Variants in ZFAND3 observed in about 807,000 individuals in gnomAD.
The protein encoded by ZFAND3 is AN1-type zinc finger protein 3.
In ZFAND3, 10 loss-of-function variants were observed where a neutral mutation model predicts 29.6. That is an observed-to-expected ratio of 0.34 (90% CI 0.21 to 0.57). The LOEUF is 0.57. Ranked by LOEUF, ZFAND3 falls within the 20% of genes least tolerant of loss-of-function variation. ZFAND3 has a pLI of 0.86. For synonymous variants in ZFAND3, 128 were observed against 112.6 expected (o/e 1.14, Z -0.87); for missense variants, 230 against 304.5 (o/e 0.76, Z 1.82).
At chr6:37,952,266 C>A (rs1232649006) in intron 2 of ZFAND3, among the ~76,000 whole-genome samples, 1 of 152,030 alleles carries the variant, frequency 6.6e-6, no homozygotes, top group African/African-American at 2.4e-5. Context: ...GCAATAGTTT[C>A]AGTATGATTG....
chr6:38,153,174 G>A lies in ZFAND3; in HGVS notation c.*785G>A. On this transcript the variant is annotated 3_prime_UTR_variant, in exon 6 of 6. Coordinates refer to ENST00000287218, the MANE Select transcript of ZFAND3 (RefSeq NM_021943.3). ...TCTGGTCTGCCATTCGCCAGTGCAG[G>A]GATCTGGCACGGACCAGATGTGGCG... 1 of 985,498 alleles carries A rather than the reference G, an allele frequency of 1.0e-6. No individual in the cohort carries two copies. Among genetic ancestry groups the A allele is most frequent in the Non-Finnish European group, 1.2e-6 (1 of 829,950 alleles). The allele number at this position is 985,498 out of a possible 1,614,324, so 61.0% of individuals were successfully genotyped here.
At chr6:38,003,729 C>G (rs958304590) in intron 2 of ZFAND3, 5 of 401,414 alleles carry the variant, frequency 1.2e-5, no homozygotes, top group Non-Finnish European at 2.5e-5. Context: ...TGGCCTTGAA[C>G]TCCTGAGCTC....
rs192317412 is a variant in ZFAND3 at position 37,820,681 on chromosome 6, C to T, written c.71+665C>T. Among the ~76,000 whole-genome samples the T allele has an allele frequency of 1.2e-3, 185 of 152,318 alleles. 1 individual carries two copies. The highest frequency in any genetic ancestry group is 2.3e-3 in the Non-Finnish European group (154 of 68,026). On this transcript the variant is annotated intron_variant, in intron 1 of 5. Coordinates refer to ENST00000287218, the MANE Select transcript of ZFAND3 (RefSeq NM_021943.3). ...AAAGGAAGAAAAAAACCACACAAAA[C>T]CTGAAGTCAGCCTGGATTGGGGAAT... is the stretch of plus-strand genomic sequence containing the variant.
chr6:38,058,650 T>C (rs1017892353), intron 2 of ZFAND3, among the ~76,000 whole-genome samples: 8 of 152,190 alleles, frequency 5.3e-5, no homozygotes, highest in African/African-American at 1.9e-4. Flanking sequence ...GTCTCTTTCT[T>C]GGGCCATCTT....
intron 2 of ZFAND3, among the ~76,000 whole-genome samples, chr6:37,958,878 T>G (rs1340645121): frequency 4.6e-5 from 7 of 152,210 alleles, no homozygotes; most frequent in Admixed American, 4.6e-4. Context: ...TTTCCAAACT[T>G]TAAGATGACT....
At chr6:37,821,578 C>T (rs192243163) in intron 1 of ZFAND3, among the ~76,000 whole-genome samples, 3 of 152,242 alleles carry the variant, frequency 2.0e-5, no homozygotes, top group Admixed American at 2.0e-4. Context: ...CTTTAGAGTG[C>T]GTAGTACCAT....
chr6:37,989,013 C>T (rs1561957703), intron 2 of ZFAND3, among the ~76,000 whole-genome samples: 2 of 152,076 alleles, frequency 1.3e-5, no homozygotes, highest in South Asian at 2.1e-4. Flanking sequence ...AAGCAATTCT[C>T]CTCCCTCAGC....
At chr6:38,093,781 G>A (rs1182391440) in intron 4 of ZFAND3, among the ~76,000 whole-genome samples, 2 of 152,152 alleles carry the variant, frequency 1.3e-5, no homozygotes, top group Non-Finnish European at 2.9e-5. Context: ...GCAGCAGACA[G>A]AAATCATTCA....
intron 1 of ZFAND3, among the ~76,000 whole-genome samples, chr6:37,876,775 GT>G (rs1053966638): frequency 4.6e-5 from 7 of 152,176 alleles, no homozygotes; most frequent in African/African-American, 1.7e-4. Flanking sequence ...GGAAAATAAT[GT>G]TTATAACCAT....
In ZFAND3 at chr6:37,929,948, G is replaced by T; in HGVS notation, c.72-11G>T. 1 of 1,585,724 alleles carries T rather than the reference G, an allele frequency of 6.3e-7. No individual in the cohort carries two copies. Reference sequence around the variant, plus strand: ...GCTCTTCTTTCTTTCTTTTCTTTTTGTTTGCCCCAGGTCCAGCAAGACTAT... The same window carrying T: ...GCTCTTCTTTCTTTCTTTTCTTTTTTTTTGCCCCAGGTCCAGCAAGACTAT... On this transcript the variant is annotated splice_polypyrimidine_tract_variant and intron_variant, in intron 1 of 5. Transcript: ENST00000287218.
chr6:37,849,126 T>A (rs186397875), intron 1 of ZFAND3, among the ~76,000 whole-genome samples: 27 of 152,338 alleles, frequency 1.8e-4, no homozygotes, highest in Admixed American at 7.2e-4. Flanking sequence ...GTTTGGATTC[T>A]ATATTCCTGC....
At chr6:38,003,514 T>A (rs114580877) in intron 2 of ZFAND3, among the ~76,000 whole-genome samples, 1 of 152,190 alleles carries the variant, frequency 6.6e-6, no homozygotes, top group Non-Finnish European at 1.5e-5. Flanking sequence ...TTTTTTTTTT[T>A]TGAGACGGTG....
intron 5 of ZFAND3, among the ~76,000 whole-genome samples, chr6:38,149,597 T>A (rs1304025676): frequency 6.6e-6 from 1 of 152,076 alleles, no homozygotes; most frequent in African/African-American, 2.4e-5. Flanking sequence ...GGGTAGCTAC[T>A]GTGGGTGTCA....
intron 1 of ZFAND3, among the ~76,000 whole-genome samples, chr6:37,860,562 A>G (rs2127383521): frequency 6.6e-6 from 1 of 151,982 alleles, no homozygotes; most frequent in East Asian, 1.9e-4. Context: ...TTTGAGTAAG[A>G]AATTGATTGC....
At chr6:38,015,666 T>A (rs1763241059) in intron 2 of ZFAND3, among the ~76,000 whole-genome samples, 1 of 152,258 alleles carries the variant, frequency 6.6e-6, no homozygotes, top group Non-Finnish European at 1.5e-5. Context: ...TTCTGAATGA[T>A]GTGTATGTAT....
At chr6:37,865,408 C>T (rs1764573299) in intron 1 of ZFAND3, among the ~76,000 whole-genome samples, 1 of 152,096 alleles carries the variant, frequency 6.6e-6, no homozygotes, top group African/African-American at 2.4e-5. Flanking sequence ...TTGGTTGAAT[C>T]CATGGATGCA....
intron 2 of ZFAND3, among the ~76,000 whole-genome samples, chr6:37,933,677 A>G (rs56136126): frequency 0.066 from 9,994 of 152,258 alleles, 400 homozygotes; most frequent in Non-Finnish European, 0.094. Context: ...TATGTGGAAG[A>G]GGGCCCAACC....
intron 1 of ZFAND3, among the ~76,000 whole-genome samples, chr6:37,880,935 G>A (rs988013783): frequency 1.1e-4 from 16 of 150,344 alleles, no homozygotes; most frequent in Non-Finnish European, 1.8e-4. Flanking sequence ...TGGGTGCAGC[G>A]CACCAGCATG....
chr6:37,966,866 T>C (rs1762302216), intron 2 of ZFAND3, among the ~76,000 whole-genome samples: 1 of 152,226 alleles, frequency 6.6e-6, no homozygotes, highest in Non-Finnish European at 1.5e-5. Flanking sequence ...TTTTCATGAT[T>C]TTCATGAACT....
Sources: allele counts gnomAD v4.1 joint callset (sites outside exome capture counted in the v4.1 genomes callset), GRCh38; gene constraint gnomAD v4.1.1; transcripts MANE v1.5; gene names NCBI Gene and HGNC (gene_info 2026-07-23, HGNC 2026-07-21).